The following RSPO2 variants were observed in gnomAD, a reference collection of about 807,000 sequenced individuals.
RSPO2 encodes R-spondin-2.
Under a neutral mutation model 30.9 loss-of-function variants are expected in RSPO2, and 14 were observed. The observed-to-expected ratio is 0.45, with a 90% CI of 0.30 to 0.71. The LOEUF is 0.71. RSPO2 is among the 30% of genes least tolerant of loss of function. The probability of loss-of-function intolerance (pLI) is 0.08; values close to 1 mark genes in which losing one functional copy is unlikely to be tolerated. For missense variants in RSPO2, 264 were observed against 301.9 expected, an observed-to-expected ratio of 0.87 and a Z score of 0.93; for synonymous variants, 107 against 96.4, an observed-to-expected ratio of 1.11 and a Z score of -0.64.
intron 2 of RSPO2, among the ~76,000 whole-genome samples, chr8:108,051,211 C>G (rs927720751): frequency 2.0e-5 from 3 of 152,060 alleles, no homozygotes; most frequent in African/African-American, 7.2e-5. Flanking sequence ...AAAAGCTCAT[C>G]TAAATGTTAA....
intron 2 of RSPO2, among the ~76,000 whole-genome samples, chr8:108,068,856 C>A (rs1467762808): frequency 6.6e-6 from 1 of 152,158 alleles, no homozygotes; most frequent in African/African-American, 2.4e-5. Flanking sequence ...AACCTCCTTG[C>A]ATCTTGATTT....
intron 5 of RSPO2, among the ~76,000 whole-genome samples, chr8:107,913,917 G>A (rs1811899866): frequency 6.6e-6 from 1 of 152,128 alleles, no homozygotes; most frequent in African/African-American, 2.4e-5. Context: ...ATTGCTTATT[G>A]TCATGCTTCT....
chr8:107,945,032 T>C (rs1183445315), intron 5 of RSPO2, among the ~76,000 whole-genome samples: 3 of 152,052 alleles, frequency 2.0e-5, no homozygotes, highest in South Asian at 2.1e-4. Context: ...GTCTTTAAGA[T>C]TGAATTACTA....
At chr8:107,948,018 A>T (rs1813120558) in intron 5 of RSPO2, among the ~76,000 whole-genome samples, 1 of 152,246 alleles carries the variant, frequency 6.6e-6, no homozygotes, top group African/African-American at 2.4e-5. Flanking sequence ...AATATAAGTT[A>T]TCCTCTTCAG....
At chr8:108,080,155 G>T (rs1472473381) in intron 2 of RSPO2, among the ~76,000 whole-genome samples, 2 of 152,146 alleles carry the variant, frequency 1.3e-5, no homozygotes, top group African/African-American at 4.8e-5. Context: ...CAATCCTTAA[G>T]CTTCCCTGCA....
At chr8:108,000,093 T>C (rs1371497556) in intron 2 of RSPO2, among the ~76,000 whole-genome samples, 2 of 152,166 alleles carry the variant, frequency 1.3e-5, no homozygotes, top group Non-Finnish European at 2.9e-5. Flanking sequence ...TAACTACGGT[T>C]CAAGGAAAGA....
chr8:107,928,856 G>A (rs1812464755), intron 5 of RSPO2, among the ~76,000 whole-genome samples: 2 of 152,210 alleles, frequency 1.3e-5, no homozygotes, highest in African/African-American at 4.8e-5. Flanking sequence ...GGCGTATTGT[G>A]AGCATCAGTA....
At chr8:108,018,085 T>C (rs1465506420) in intron 2 of RSPO2, among the ~76,000 whole-genome samples, 1 of 152,238 alleles carries the variant, frequency 6.6e-6, no homozygotes, top group Non-Finnish European at 1.5e-5. Flanking sequence ...TTTTATTTAC[T>C]TAATGGCAGA....
At chr8:107,918,880 A>G (rs1441524623) in intron 5 of RSPO2, among the ~76,000 whole-genome samples, 2 of 152,142 alleles carry the variant, frequency 1.3e-5, no homozygotes, top group Admixed American at 1.3e-4. Flanking sequence ...GAAAAACTAT[A>G]GTATATCTGT....
At chr8:108,082,313 G>C (rs1264337117) in intron 2 of RSPO2, among the ~76,000 whole-genome samples, 1 of 152,192 alleles carries the variant, frequency 6.6e-6, no homozygotes, top group Non-Finnish European at 1.5e-5. Flanking sequence ...ATTGGCGCCC[G>C]GCTCGCCGAG....
chr8:108,067,844 T>C (rs1224777007), intron 2 of RSPO2, among the ~76,000 whole-genome samples: 1 of 152,074 alleles, frequency 6.6e-6, no homozygotes, highest in African/African-American at 2.4e-5. Context: ...ATCCCAGCAT[T>C]TTGGGAGGCC....
chr8:108,073,725 G>A (rs1045965696), intron 2 of RSPO2, among the ~76,000 whole-genome samples: 2 of 152,198 alleles, frequency 1.3e-5, no homozygotes, highest in Admixed American at 6.5e-5. Context: ...GTGGGATTGA[G>A]AGAATTTAAC....
chr8:108,051,616 G>A lies in RSPO2; in HGVS notation c.94+30929C>T, dbSNP rs765287234. Among the ~76,000 whole-genome samples the A allele has an allele frequency of 1.3e-5, 2 of 152,196 alleles. 1 individual carries two copies. Among genetic ancestry groups the A allele is most frequent in the South Asian group, 4.1e-4 (2 of 4,828 alleles). ...ATAAGACATTGTGAAAGGACAAGTGGAGCATCTAAATGGTACTGAATACCA... is the reference window on the plus strand; with the variant it reads ...ATAAGACATTGTGAAAGGACAAGTGAAGCATCTAAATGGTACTGAATACCA... On this transcript the variant is annotated intron_variant, in intron 2 of 5. Transcript: ENST00000276659.
intron 2 of RSPO2, among the ~76,000 whole-genome samples, chr8:108,022,939 A>C (rs1376594977): frequency 2.0e-5 from 3 of 151,124 alleles, no homozygotes; most frequent in Non-Finnish European, 4.4e-5. Context: ...AAAACAAAAA[A>C]AAAAACCACA....
intron 5 of RSPO2, among the ~76,000 whole-genome samples, chr8:107,909,823 A>G (rs1811766483): frequency 6.6e-6 from 1 of 152,174 alleles, no homozygotes; most frequent in African/African-American, 2.4e-5. Context: ...GCAGGCTATA[A>G]AGTTTCCTAA....
intron 5 of RSPO2, among the ~76,000 whole-genome samples, chr8:107,904,258 T>C (rs892007857): frequency 6.6e-6 from 1 of 151,654 alleles, no homozygotes; most frequent in African/African-American, 2.4e-5. Context: ...TAAAGGCAAA[T>C]ATGATGGCAG....
intron 5 of RSPO2, among the ~76,000 whole-genome samples, chr8:107,942,796 G>T (rs1812940770): frequency 6.6e-6 from 1 of 152,140 alleles, no homozygotes; most frequent in Non-Finnish European, 1.5e-5. Context: ...TAAAAAAAAG[G>T]TTGTTTCATA....
At chr8:108,021,186 A>G (rs184077638) in intron 2 of RSPO2, among the ~76,000 whole-genome samples, 18 of 152,318 alleles carry the variant, frequency 1.2e-4, no homozygotes, top group African/African-American at 4.3e-4. Context: ...ACCATTTTGA[A>G]CAATTTTATG....
chr8:107,915,921 C>A (rs1035044168), intron 5 of RSPO2, among the ~76,000 whole-genome samples: 4 of 152,076 alleles, frequency 2.6e-5, no homozygotes, highest in African/African-American at 9.7e-5. Flanking sequence ...TGGCTTTGCC[C>A]TACAGCTGTG....
Sources: gnomAD v4.1 joint callset for allele counts (sites outside exome capture counted in the v4.1 genomes callset) on GRCh38, gnomAD v4.1.1 for gene constraint, MANE v1.5 for transcripts, NCBI Gene and HGNC (gene_info 2026-07-23, HGNC 2026-07-21) for gene names.